Variants in OPCML observed in about 807,000 individuals in gnomAD.
OPCML encodes the protein opioid-binding protein/cell adhesion molecule.
In OPCML, 13 loss-of-function variants were observed where a neutral mutation model predicts 37.8. That is an observed-to-expected ratio of 0.34 (90% CI 0.22 to 0.55). The LOEUF is 0.55. OPCML is among the 20% of genes least tolerant of loss of function. OPCML has a pLI of 0.91. For synonymous variants in OPCML, 176 were observed against 168.8 expected, an observed-to-expected ratio of 1.04 and a Z score of -0.33; for missense variants, 341 against 435.6, an observed-to-expected ratio of 0.78 and a Z score of 1.93.
intron 2 of OPCML, among the ~76,000 whole-genome samples, chr11:132,784,636 G>T (rs1371535460): frequency 1.3e-5 from 2 of 152,072 alleles, no homozygotes; most frequent in Admixed American, 1.3e-4. Context: ...TGTTGGACGT[G>T]GGCCTGGTGC....
At chr11:132,870,717 T>A (rs1942763276) in intron 2 of OPCML, among the ~76,000 whole-genome samples, 1 of 152,168 alleles carries the variant, frequency 6.6e-6, no homozygotes, top group African/African-American at 2.4e-5. Flanking sequence ...GAAATACCAT[T>A]TGGCCTTAAA....
intron 2 of OPCML, among the ~76,000 whole-genome samples, chr11:132,802,190 A>G (rs1407516505): frequency 6.6e-6 from 1 of 152,122 alleles, no homozygotes; most frequent in African/African-American, 2.4e-5. Context: ...AACCGTCACC[A>G]TCTCTACCCT....
At chr11:133,342,510 G>A (rs995094365) in intron 1 of OPCML, among the ~76,000 whole-genome samples, 2 of 152,176 alleles carry the variant, frequency 1.3e-5, no homozygotes, top group Middle Eastern at 3.2e-3. Flanking sequence ...AAGTGATGAG[G>A]AGCAAATCTC....
intron 3 of OPCML, among the ~76,000 whole-genome samples, chr11:132,564,370 T>TA (rs2096417505): frequency 6.6e-6 from 1 of 152,194 alleles, no homozygotes; most frequent in Non-Finnish European, 1.5e-5. Flanking sequence ...CAGCACACTT[T>TA]AACATCACTC....
chr11:133,050,530 T>A (rs1475062086), intron 1 of OPCML, among the ~76,000 whole-genome samples: 1 of 152,106 alleles, frequency 6.6e-6, no homozygotes, highest in African/African-American at 2.4e-5. Flanking sequence ...CAATTTATAA[T>A]GTAAAAATCA....
At chr11:132,492,401 C>G (rs1227588046) in intron 4 of OPCML, among the ~76,000 whole-genome samples, 1 of 152,038 alleles carries the variant, frequency 6.6e-6, no homozygotes, top group Non-Finnish European at 1.5e-5. Flanking sequence ...GTAGAACCAG[C>G]AGGATCTGCT....
At chr11:132,981,554 A>C (rs112186232) in intron 1 of OPCML, among the ~76,000 whole-genome samples, 1,787 of 152,332 alleles carry the variant, frequency 0.012, 31 homozygotes, top group African/African-American at 0.041. Flanking sequence ...CCGCACGTTT[A>C]TAAACATTAG....
intron 1 of OPCML, among the ~76,000 whole-genome samples, chr11:132,997,361 T>G (rs1946906950): frequency 6.6e-6 from 1 of 152,206 alleles, no homozygotes; most frequent in Non-Finnish European, 1.5e-5. Context: ...AGGTGTTCCC[T>G]TCCCATGTAG....
At chr11:132,708,815 A>G (rs1944141101) in intron 2 of OPCML, among the ~76,000 whole-genome samples, 2 of 152,206 alleles carry the variant, frequency 1.3e-5, no homozygotes, top group South Asian at 4.1e-4. Context: ...TTCTTTACAC[A>G]TACATTATGG....
At chr11:133,170,118 T>C (rs1950267881) in intron 1 of OPCML, among the ~76,000 whole-genome samples, 1 of 152,186 alleles carries the variant, frequency 6.6e-6, no homozygotes, top group African/African-American at 2.4e-5. Context: ...CAATAACAAA[T>C]ATTATCTACC....
intron 1 of OPCML, among the ~76,000 whole-genome samples, chr11:133,353,265 C>T (rs1315519275): frequency 6.6e-6 from 1 of 152,006 alleles, no homozygotes; most frequent in Non-Finnish European, 1.5e-5. Context: ...CTCCCAGGTT[C>T]AAACAATTCT....
At chr11:132,813,397 G>T (rs972391268) in intron 2 of OPCML, among the ~76,000 whole-genome samples, 1 of 152,156 alleles carries the variant, frequency 6.6e-6, no homozygotes, top group Non-Finnish European at 1.5e-5. Context: ...GTTCACAAAA[G>T]TTCCTTTAAT....
intron 1 of OPCML, among the ~76,000 whole-genome samples, chr11:133,345,594 A>G (rs1304173692): frequency 6.6e-6 from 1 of 152,198 alleles, no homozygotes; most frequent in East Asian, 1.9e-4. Context: ...CAGAGAACGT[A>G]TTGCTTGTGC....
chr11:133,356,233 C>T (rs1048328566), intron 1 of OPCML, among the ~76,000 whole-genome samples: 2 of 152,144 alleles, frequency 1.3e-5, no homozygotes, highest in African/African-American at 4.8e-5. Context: ...AATCAGAGGG[C>T]TTTAAAGTGC....
At chr11:133,292,833 T>C (rs1415703663) in intron 1 of OPCML, among the ~76,000 whole-genome samples, 1 of 152,206 alleles carries the variant, frequency 6.6e-6, no homozygotes, top group African/African-American at 2.4e-5. Context: ...GGCATACTGC[T>C]TGTGGCTCCT....
intron 1 of OPCML, among the ~76,000 whole-genome samples, chr11:133,108,728 A>G (rs1055478293): frequency 6.6e-6 from 1 of 152,142 alleles, no homozygotes; most frequent in African/African-American, 2.4e-5. Flanking sequence ...TTTAAGTCAC[A>G]TTGAGACAAA....
intron 3 of OPCML, among the ~76,000 whole-genome samples, chr11:132,564,510 C>T (rs10894582): frequency 0.31 from 47,801 of 152,082 alleles, 9,114 homozygotes; most frequent in Non-Finnish European, 0.43. Flanking sequence ...AAATACTGTT[C>T]ACTGACTGAC....
chr11:132,448,474 G>A (rs1307990388), intron 4 of OPCML, among the ~76,000 whole-genome samples: 2 of 152,170 alleles, frequency 1.3e-5, no homozygotes, highest in Non-Finnish European at 2.9e-5. Context: ...CTCATGCACT[G>A]AGCCCTAGTG....
intron 1 of OPCML, among the ~76,000 whole-genome samples, chr11:133,419,975 G>A (rs73035104): frequency 0.016 from 2,428 of 152,148 alleles, 33 homozygotes; most frequent in South Asian, 0.064. Flanking sequence ...CACCCATGTC[G>A]GAACTACACT....
Sources: allele counts gnomAD v4.1 joint callset (sites outside exome capture counted in the v4.1 genomes callset), GRCh38; gene constraint gnomAD v4.1.1; transcripts MANE v1.5; gene names NCBI Gene and HGNC (gene_info 2026-07-23, HGNC 2026-07-21).